Variants in CSMD3 observed in about 807,000 individuals in gnomAD.
The protein encoded by CSMD3 is CUB and sushi domain-containing protein 3.
CSMD3 carries 177 observed loss-of-function variants against 435.2 expected under a neutral mutation model. The ratio of observed to expected loss-of-function variants is 0.41; its 90% confidence interval spans 0.36 to 0.46. The LOEUF is 0.46. Ranked by LOEUF, CSMD3 falls within the 20% of genes least tolerant of loss-of-function variation. CSMD3 has a pLI of 0.34. For synonymous variants in CSMD3, 1,656 were observed against 1,520.5 expected (o/e 1.09, Z -2.07); for missense variants, 4,265 against 4,504.6 (o/e 0.95, Z 1.52).
At chr8:113,019,325 T>C (rs929678905) in intron 5 of CSMD3, 146 bp from the exon 6 acceptor site, 14 of 670,748 alleles carry the variant, frequency 2.1e-5, no homozygotes, top group Non-Finnish European at 3.2e-5. Context: ...AGTTCTTTTA[T>C]GCATAGAAAA....
chr8:113,030,969 A>G (rs144186624), intron 5 of CSMD3, among the ~76,000 whole-genome samples: 2 of 151,660 alleles, frequency 1.3e-5, no homozygotes, highest in Middle Eastern at 3.2e-3. Context: ...ACCTACCAGA[A>G]TGGCTAAAAT....
intron 68 of CSMD3, among the ~76,000 whole-genome samples, chr8:112,233,459 T>C (rs1313023851): frequency 6.6e-6 from 1 of 152,254 alleles, no homozygotes; most frequent in African/African-American, 2.4e-5. Flanking sequence ...AATTAAACAA[T>C]CTGAGTGCAT....
At chr8:112,501,754 C>T (rs1586535422) in intron 30 of CSMD3, among the ~76,000 whole-genome samples, 3 of 152,142 alleles carry the variant, frequency 2.0e-5, no homozygotes, top group African/African-American at 7.2e-5. Context: ...TTCATTTCAT[C>T]GTCATTCATT....
intron 1 of CSMD3, among the ~76,000 whole-genome samples, chr8:113,365,531 C>G (rs1287540173): frequency 1.3e-5 from 2 of 151,842 alleles, no homozygotes; most frequent in East Asian, 1.9e-4. Flanking sequence ...TATGTTGTAA[C>G]AGCATCACAA....
At chr8:112,822,749 T>C (rs991363563) in intron 12 of CSMD3, among the ~76,000 whole-genome samples, 2 of 152,222 alleles carry the variant, frequency 1.3e-5, no homozygotes, top group African/African-American at 2.4e-5. Context: ...CTTTTGCCCA[T>C]TCAGTGTGAT....
At chr8:112,803,485 T>C (rs1991138) in intron 12 of CSMD3, among the ~76,000 whole-genome samples, 79,440 of 152,024 alleles carry the variant, frequency 0.52, 21,286 homozygotes, top group East Asian at 0.76. Flanking sequence ...TCATTTATAT[T>C]TCATGTATTT....
chr8:112,477,626 C>G (rs900856557), intron 31 of CSMD3, among the ~76,000 whole-genome samples: 1 of 152,092 alleles, frequency 6.6e-6, no homozygotes, highest in Non-Finnish European at 1.5e-5. Context: ...CTCTCTCATT[C>G]TCTATCTTGC....
intron 27 of CSMD3, among the ~76,000 whole-genome samples, chr8:112,539,986 T>G (rs570678944): frequency 6.6e-5 from 10 of 152,096 alleles, no homozygotes; most frequent in African/African-American, 2.2e-4. Flanking sequence ...GAGAAAATAT[T>G]TGCTAACTGC....
chr8:112,687,192 C>T (rs2076031632), intron 14 of CSMD3, among the ~76,000 whole-genome samples: 1 of 151,914 alleles, frequency 6.6e-6, no homozygotes, highest in Non-Finnish European at 1.5e-5. Context: ...GAGAATACAA[C>T]ACCCGTAACA....
chr8:113,385,463 A>G (rs1191709455), intron 1 of CSMD3, among the ~76,000 whole-genome samples: 2 of 152,138 alleles, frequency 1.3e-5, no homozygotes, highest in South Asian at 2.1e-4. Context: ...CACTGAATCC[A>G]TACATGCACC....
chr8:113,381,088 T>A (rs1466718866), intron 1 of CSMD3, among the ~76,000 whole-genome samples: 1 of 152,190 alleles, frequency 6.6e-6, no homozygotes, highest in African/African-American at 2.4e-5. Context: ...AAATAGATGT[T>A]TCTCTTCAAT....
intron 4 of CSMD3, among the ~76,000 whole-genome samples, chr8:113,114,947 C>T (rs1047236603): frequency 1.1e-4 from 16 of 152,142 alleles, no homozygotes; most frequent in Admixed American, 6.5e-5. Flanking sequence ...CAAATAAAGA[C>T]AGAGCTTTCA....
At chr8:112,832,084 TA>T (rs2079892261) in intron 11 of CSMD3, among the ~76,000 whole-genome samples, 1 of 152,190 alleles carries the variant, frequency 6.6e-6, no homozygotes, top group Admixed American at 6.5e-5. Context: ...AAATAATAGA[TA>T]AACAAATCCT....
intron 22 of CSMD3, among the ~76,000 whole-genome samples, chr8:112,598,118 C>T (rs914515334): frequency 6.8e-6 from 1 of 146,120 alleles, no homozygotes; most frequent in Non-Finnish European, 1.5e-5. Flanking sequence ...TCTAGAAAAC[C>T]CCATTGTCTC....
intron 10 of CSMD3, among the ~76,000 whole-genome samples, chr8:112,861,053 T>C (rs2080813618): frequency 6.6e-6 from 1 of 151,906 alleles, no homozygotes; most frequent in South Asian, 2.1e-4. Flanking sequence ...ATTTCTTGAA[T>C]AGACTATCCA....
intron 3 of CSMD3, among the ~76,000 whole-genome samples, chr8:113,270,317 G>A (rs4518699): frequency 0.01 from 648 of 63,378 alleles, 11 homozygotes; most frequent in African/African-American, 0.042. Context: ...TTAAAAAGTC[G>A]GGAAACAACA....
intron 13 of CSMD3, among the ~76,000 whole-genome samples, chr8:112,693,521 T>C (rs577670622): frequency 2.4e-4 from 37 of 152,178 alleles, no homozygotes; most frequent in African/African-American, 8.4e-4. Context: ...AGAAATATGA[T>C]ATCAAATTGA....
intron 2 of CSMD3, among the ~76,000 whole-genome samples, chr8:113,301,832 T>C (rs1238102260): frequency 2.0e-5 from 3 of 152,056 alleles, no homozygotes; most frequent in Non-Finnish European, 4.4e-5. Context: ...AAAGTCCCCT[T>C]TTTACATGAT....
intron 32 of CSMD3, among the ~76,000 whole-genome samples, chr8:112,449,030 G>T (rs1388960): frequency 0.43 from 64,846 of 151,792 alleles, 14,820 homozygotes; most frequent in Middle Eastern, 0.6. Flanking sequence ...TCAATTAAAG[G>T]GTACTTTCAG....
Sources: allele counts gnomAD v4.1 joint callset (sites outside exome capture counted in the v4.1 genomes callset), GRCh38; gene constraint gnomAD v4.1.1; transcripts MANE v1.5; gene names NCBI Gene and HGNC (gene_info 2026-07-23, HGNC 2026-07-21).